PALS2: variants seen among roughly 807,000 people sequenced by gnomAD.
The protein encoded by PALS2 is protein associated with LIN7 2, MAGUK p55 family member, also known as protein PALS2.
PALS2 carries 27 observed loss-of-function variants against 61.6 expected under a neutral mutation model. The observed-to-expected ratio is 0.44, with a 90% CI of 0.32 to 0.60. The LOEUF (loss-of-function observed/expected upper bound fraction) is 0.60, where lower values mean the gene tolerates loss of function less well. PALS2 is among the 20% of genes least tolerant of loss of function. PALS2 has a pLI of 0.05. For synonymous variants in PALS2, 236 were observed against 218.6 expected, an observed-to-expected ratio of 1.08 and a Z score of -0.70; for missense variants, 554 against 639.4, an observed-to-expected ratio of 0.87 and a Z score of 1.44.
intron 2 of PALS2, 93 bp downstream of exon 2, chr7:24,623,877 T>TA: frequency 9.2e-7 from 1 of 1,085,038 alleles, no homozygotes. Context: ...ATTTGGTTGA[T>TA]ATACATTAGG....
intron 4 of PALS2, among the ~76,000 whole-genome samples, 168 bp downstream of exon 4, chr7:24,649,932 C>T (rs1430911986): frequency 6.6e-6 from 1 of 152,022 alleles, no homozygotes; most frequent in Non-Finnish European, 1.5e-5. Context: ...TTGGTTTAGC[C>T]TGCAAAATTT....
At chr7:24,607,588 CATATATGTGTGTGTATATATACAT>C (rs1247748662) in intron 1 of PALS2, among the ~76,000 whole-genome samples, 4 of 81,288 alleles carry the variant, frequency 4.9e-5, no homozygotes, top group African/African-American at 1.6e-4. Context: ...TGTATATATA[CATATATGTGTGTGTATATATACAT>C]ATATATGTGT....
At chr7:24,679,658 C>T (rs536415896) in intron 10 of PALS2, among the ~76,000 whole-genome samples, 3 of 152,120 alleles carry the variant, frequency 2.0e-5, no homozygotes, top group Middle Eastern at 3.4e-3. Context: ...CTCAAGTCTG[C>T]AATATAAAGA....
At chr7:24,669,008 G>A (rs938607979) in intron 9 of PALS2, among the ~76,000 whole-genome samples, 11 of 152,292 alleles carry the variant, frequency 7.2e-5, no homozygotes, top group African/African-American at 1.7e-4. Context: ...AGCCATTTTA[G>A]TGTAAAGAAA....
intron 1 of PALS2, among the ~76,000 whole-genome samples, chr7:24,594,555 A>G (rs185273140): frequency 2.0e-5 from 3 of 152,106 alleles, no homozygotes; most frequent in Non-Finnish European, 4.4e-5. Flanking sequence ...AGAATTATTA[A>G]TTAGCCTCAT....
chr7:24,686,362 G>A (rs931070938), intron 11 of PALS2, among the ~76,000 whole-genome samples: 3 of 151,936 alleles, frequency 2.0e-5, no homozygotes, highest in Non-Finnish European at 4.4e-5. Context: ...TTTCCATCTC[G>A]TAGGGGTCCT....
In PALS2 at chr7:24,636,478, A is replaced by C. The variant is rs1365798539; in HGVS notation, c.118-5238A>C. On this transcript the variant is annotated intron_variant, in intron 2 of 11. Transcript: ENST00000222644. ...GATATTTGATACACAGTAGGTGACT[A>C]TTGCAAATAACTATGTAATACATAT... Among the ~76,000 whole-genome samples the C allele has an allele frequency of 2.6e-5, 4 of 152,174 alleles. No homozygotes were observed. In the East Asian group the frequency reaches 7.7e-4, roughly 29 times the overall value.
chr7:24,642,301 T>C (rs1345197681), intron 3 of PALS2, among the ~76,000 whole-genome samples: 1 of 152,192 alleles, frequency 6.6e-6, no homozygotes, highest in Non-Finnish European at 1.5e-5. Flanking sequence ...GTATAGAAAC[T>C]ATTGTATAAC....
chr7:24,639,289 T>C (rs1785393614), intron 2 of PALS2, among the ~76,000 whole-genome samples: 1 of 152,204 alleles, frequency 6.6e-6, no homozygotes, highest in Admixed American at 6.5e-5. Flanking sequence ...GTCTTGGTGT[T>C]AGACTACTTG....
intron 2 of PALS2, among the ~76,000 whole-genome samples, chr7:24,628,171 G>A (rs992937103): frequency 5.9e-5 from 9 of 152,146 alleles, no homozygotes; most frequent in Middle Eastern, 3.2e-3. Flanking sequence ...TATCCACCAC[G>A]ATCAAGTTGG....
intron 2 of PALS2, among the ~76,000 whole-genome samples, chr7:24,629,360 C>T (rs1488862593): frequency 3.3e-5 from 5 of 152,024 alleles, no homozygotes; most frequent in African/African-American, 1.2e-4. Context: ...AAGACTTAAA[C>T]GTAAGACCTA....
chr7:24,663,598 G>C lies in PALS2; in HGVS notation c.660G>C (p.Val220=), dbSNP rs750925412. 11 of 1,590,418 alleles carry C rather than the reference G, an allele frequency of 6.9e-6. No homozygotes were observed. The South Asian group carries it at 1.2e-4, about 18-fold the overall frequency. ...TGTGCTATGTGTTTTAGGTATTTGT[G>C]AAGTGTCATTTTGATTATAATCCAT... ...RDTITPQQVF[V]KCHFDYNPYN... Residue 220 remains valine (V), a synonymous_variant, in exon 6 of 12, where the codon GTG becomes GTC. Transcript: ENST00000222644.
chr7:24,623,298 TG>T (rs1784601680), intron 1 of PALS2, among the ~76,000 whole-genome samples: 1 of 151,668 alleles, frequency 6.6e-6, no homozygotes, highest in Non-Finnish European at 1.5e-5. Flanking sequence ...TCTGAGCTTG[TG>T]GGAAGTTTCT....
intron 2 of PALS2, among the ~76,000 whole-genome samples, chr7:24,632,183 T>C (rs1443909359): frequency 6.6e-6 from 1 of 152,242 alleles, no homozygotes; most frequent in Non-Finnish European, 1.5e-5. Context: ...TCAACTCTTA[T>C]CGTTATGTAA....
At chr7:24,648,056 C>T (rs554778104) in intron 3 of PALS2, among the ~76,000 whole-genome samples, 95 of 152,190 alleles carry the variant, frequency 6.2e-4, no homozygotes, top group Non-Finnish European at 1.0e-3. Flanking sequence ...AGGAAGAATC[C>T]TTACATATGG....
chr7:24,662,292 C>G (rs889647512), intron 5 of PALS2, among the ~76,000 whole-genome samples: 9 of 152,106 alleles, frequency 5.9e-5, no homozygotes, highest in African/African-American at 2.2e-4. Flanking sequence ...TATAATATGT[C>G]TACTTGTGTT....
In PALS2 at chr7:24,689,555, A is replaced by G. The variant is rs1403196663; in HGVS notation, c.*1941A>G. The G allele has an allele frequency of 2.6e-5, 4 of 152,030 alleles. No individual in the cohort carries two copies. The highest frequency in any genetic ancestry group is 4.8e-5 in the African/African-American group (2 of 41,418). The allele number at this position is 152,030 out of a possible 1,614,324, so 9.4% of individuals were successfully genotyped here. A position where few individuals can be genotyped will look rare whatever the true frequency, so the allele number is the denominator to read the frequency against. On this transcript the variant is annotated 3_prime_UTR_variant, in exon 12 of 12. Coordinates refer to ENST00000222644, the MANE Select transcript of PALS2 (RefSeq NM_001303037.2). ...AAAACACCCAAGTTGTCATATTGTT[A>G]AAGTTGGAAATCTATAGGTTTTTCT...
At chr7:24,585,042 C>A (rs1220640041) in intron 1 of PALS2, among the ~76,000 whole-genome samples, 7 of 151,904 alleles carry the variant, frequency 4.6e-5, no homozygotes, top group East Asian at 3.9e-4. Context: ...TGGTACCAGT[C>A]CCATGCTGTT....
At position 24,690,890 on chromosome 7, in the gene PALS2, GTTC is replaced by G. The variant is rs1246710475; in HGVS notation, c.*3279_*3281del. 6.6e-6 allele frequency: 1 copy of G among 151,890 alleles called. No homozygotes were observed. Among genetic ancestry groups the G allele is most frequent in the Non-Finnish European group, 1.5e-5 (1 of 68,006 alleles). The allele number at this position is 151,890 out of a possible 1,614,324, so 9.4% of individuals were successfully genotyped here. A position where few individuals can be genotyped will look rare whatever the true frequency, so the allele number is the denominator to read the frequency against. On this transcript the variant is annotated 3_prime_UTR_variant, in exon 12 of 12. Transcript: ENST00000222644. Reference sequence around the variant, plus strand: ...TCTAGAATCCAATAAATTTATAGTAGTTCTTAAGAAGTTTCCTTTAAAGCAACA... The same window carrying G: ...TCTAGAATCCAATAAATTTATAGTAGTTAAGAAGTTTCCTTTAAAGCAACA...
Sources: allele counts gnomAD v4.1 joint callset (sites outside exome capture counted in the v4.1 genomes callset), GRCh38; gene constraint gnomAD v4.1.1; transcripts MANE v1.5; gene names NCBI Gene and HGNC (gene_info 2026-07-23, HGNC 2026-07-21).